DHX35: variants seen among roughly 807,000 people sequenced by gnomAD.
DHX35 encodes the protein probable ATP-dependent RNA helicase DHX35.
Under a neutral mutation model 99.6 loss-of-function variants are expected in DHX35, and 84 were observed. The observed-to-expected ratio is 0.84, with a 90% CI of 0.71 to 1.01. The LOEUF is 1.01. Among genes scored for constraint, DHX35 ranks in the 50% least tolerant of loss-of-function variants. The pLI is 0.00. For synonymous variants in DHX35, 331 were observed against 316.2 expected, an observed-to-expected ratio of 1.05 and a Z score of -0.50; for missense variants, 852 against 888.5, an observed-to-expected ratio of 0.96 and a Z score of 0.52.
chr20:38,988,779 GTC>G (rs983897367), intron 4 of DHX35, 32 bp from the exon 5 acceptor site: 1 of 1,612,288 alleles, frequency 6.2e-7, no homozygotes, highest in African/African-American at 1.3e-5. Flanking sequence ...TAATTTCTAT[GTC>G]TCTATTTTCA....
chr20:39,015,811 A>G (rs546768584), intron 14 of DHX35, among the ~76,000 whole-genome samples: 1 of 152,282 alleles, frequency 6.6e-6, no homozygotes, highest in Admixed American at 6.5e-5. Context: ...TCACCCAAAA[A>G]AGAAATCTTT....
chr20:38,964,363 G>A (rs190535968), intron 1 of DHX35, among the ~76,000 whole-genome samples: 15 of 152,234 alleles, frequency 9.9e-5, no homozygotes, highest in Admixed American at 7.2e-4. Flanking sequence ...AGAAAAGTAG[G>A]TAAGGGCCTC....
chr20:39,016,921 A>G (rs1480889434), intron 14 of DHX35, among the ~76,000 whole-genome samples: 2 of 147,408 alleles, frequency 1.4e-5, no homozygotes, highest in African/African-American at 2.5e-5. Flanking sequence ...CATTCTGGGC[A>G]CATATTCTTA....
intron 3 of DHX35, chr20:38,977,668 T>C (rs1288012521): frequency 2.7e-6 from 1 of 365,824 alleles, no homozygotes; most frequent in Admixed American, 4.3e-5. Flanking sequence ...GTAGGGAAAG[T>C]TCTCACTCTG....
At chr20:38,994,922 CTT>C in intron 8 of DHX35, 42 bp downstream of exon 8, 1 of 1,580,796 alleles carries the variant, frequency 6.3e-7, no homozygotes, top group South Asian at 1.1e-5. Flanking sequence ...CTCACAAACA[CTT>C]TTGTCCTATA....
chr20:39,007,924 T>C (rs2145907447), intron 12 of DHX35, among the ~76,000 whole-genome samples: 1 of 152,346 alleles, frequency 6.6e-6, no homozygotes, highest in Middle Eastern at 3.4e-3. Context: ...TAACACAACA[T>C]TAAACACATT....
At chr20:38,976,566 A>G (rs746449129) in intron 3 of DHX35, among the ~76,000 whole-genome samples, 1 of 152,166 alleles carries the variant, frequency 6.6e-6, no homozygotes, top group East Asian at 1.9e-4. Context: ...TATCATATCC[A>G]TCACCTCAAA....
chr20:38,989,871 A>G (rs999602355), intron 5 of DHX35, among the ~76,000 whole-genome samples: 5 of 152,224 alleles, frequency 3.3e-5, no homozygotes, highest in Non-Finnish European at 5.9e-5. Context: ...AAGTCTAATC[A>G]GACAGTGCAA....
chr20:39,006,349 T>G lies in DHX35; in HGVS notation c.1215T>G (p.Leu405=). 2.5e-6 allele frequency: 4 copies of G among 1,614,026 alleles called. No homozygotes were observed. The highest frequency in any genetic ancestry group is 3.4e-6 in the Non-Finnish European group (4 of 1,179,930). The part of the protein sequence containing the change: ...GRSRSGKCYR[L]YTEEAFDKLP... ...GTCGCTCGGGAAAATGTTATCGCCT[T>G]TATACAGGTTAGTGTGGCTTTCCCT... The change falls in exon 12 of 22, where the codon CTT becomes CTG. Residue 405 remains leucine (L), a synonymous_variant. Transcript: ENST00000252011.
rs753803870 is a variant in DHX35, at chr20:39,001,723, T to C, written c.643-7T>C. ...GAGAAATGAAGAATTAATTTTTTTCTTTTTAGAAATTCCGGGATTTCTTTA... is the reference window on the plus strand; with the variant it reads ...GAGAAATGAAGAATTAATTTTTTTCCTTTTAGAAATTCCGGGATTTCTTTA... On this transcript the variant is annotated splice_polypyrimidine_tract_variant and splice_region_variant and intron_variant, in intron 8 of 21. Transcript: ENST00000252011. 5 of 1,595,224 alleles carry C rather than the reference T, an allele frequency of 3.1e-6. No homozygotes were observed. Among genetic ancestry groups the C allele is most frequent in the Non-Finnish European group, 4.3e-6 (5 of 1,170,094 alleles).
At chr20:38,999,313 T>C (rs369599984) in intron 8 of DHX35, among the ~76,000 whole-genome samples, 3 of 152,046 alleles carry the variant, frequency 2.0e-5, no homozygotes, top group African/African-American at 7.2e-5. Context: ...CTCTCCTACC[T>C]CCTTGTTGGC....
At chr20:39,008,457 A>G (rs927556175) in intron 12 of DHX35, among the ~76,000 whole-genome samples, 2 of 152,238 alleles carry the variant, frequency 1.3e-5, no homozygotes, top group Non-Finnish European at 2.9e-5. Context: ...GGCCAGCATT[A>G]TCTCATGTGC....
Position 38,990,658 on chromosome 20 carries a change from AAAT to A in DHX35, c.451-792_451-790del, listed in dbSNP as rs1452068802. ...ACATTTACATTGTTTTAGTCATTCTAAATAATCTAGAGATGATTTAAAATATAT... is the reference window on the plus strand; with the variant it reads ...ACATTTACATTGTTTTAGTCATTCTAAATCTAGAGATGATTTAAAATATAT... On this transcript the variant is annotated intron_variant, in intron 5 of 21. Transcript: ENST00000252011. Among the ~76,000 whole-genome samples, 7 of 152,310 alleles carry A rather than the reference AAAT, an allele frequency of 4.6e-5. No homozygotes were observed. The East Asian group carries it at 1.3e-3, about 29-fold the overall frequency.
chr20:39,018,872 A>G lies in DHX35; in HGVS notation c.1471A>G (p.Met491Val). 1 of 1,614,016 alleles carries G rather than the reference A, an allele frequency of 6.2e-7. No homozygotes were observed. Among genetic ancestry groups the G allele is most frequent in the Non-Finnish European group, 8.5e-7 (1 of 1,179,978 alleles). Residue 491 changes from methionine to valine, a missense_variant, in exon 15 of 22, where the codon ATG becomes GTG. Physicochemically the swap from Met to Val is conservative, Grantham distance 21. Coordinates refer to ENST00000252011, the MANE Select transcript of DHX35 (RefSeq NM_021931.4). ...MRIAEFPLNP[M>V]FAKMLLESGN... ...AATTGCAGAGTTTCCTTTGAATCCC[A>G]TGTTTGCCAAAATGCTGCTTGAATC...
intron 11 of DHX35, among the ~76,000 whole-genome samples, chr20:39,005,232 C>G (rs746989996): frequency 6.6e-6 from 1 of 152,182 alleles, no homozygotes; most frequent in Non-Finnish European, 1.5e-5. Context: ...TACTTAAACC[C>G]TTCAGGGGCA....
intron 3 of DHX35, among the ~76,000 whole-genome samples, chr20:38,981,413 G>T (rs2086170332): frequency 6.6e-6 from 1 of 152,042 alleles, no homozygotes; most frequent in Admixed American, 6.6e-5. Context: ...TGGATTCATA[G>T]ATACTTATTT....
intron 4 of DHX35, among the ~76,000 whole-genome samples, chr20:38,984,305 A>T (rs1229523346): frequency 6.6e-6 from 1 of 152,210 alleles, no homozygotes; most frequent in Non-Finnish European, 1.5e-5. Flanking sequence ...CTGAGGAAAT[A>T]AAAAAACAAT....
intron 18 of DHX35, 60 bp from the exon 19 acceptor site, chr20:39,028,358 G>A (rs1035422785): frequency 4.5e-6 from 7 of 1,540,044 alleles, no homozygotes; most frequent in Admixed American, 1.7e-5. Flanking sequence ...GTGCATTAGA[G>A]CACACGGAGC....
chr20:38,988,527 G>C (rs916314926), intron 4 of DHX35, among the ~76,000 whole-genome samples: 1 of 152,134 alleles, frequency 6.6e-6, no homozygotes, highest in Non-Finnish European at 1.5e-5. Context: ...CTACTTAGGA[G>C]GTTGAGGCAG....
Sources: allele counts gnomAD v4.1 joint callset (sites outside exome capture counted in the v4.1 genomes callset), GRCh38; gene constraint gnomAD v4.1.1; transcripts MANE v1.5; gene names NCBI Gene and HGNC (gene_info 2026-07-23, HGNC 2026-07-21).